BICD1: variants seen among roughly 807,000 people sequenced by gnomAD.
BICD1 encodes the protein protein bicaudal D homolog 1.
A neutral mutation model predicts 92.5 loss-of-function variants in BICD1; 35 were observed. The observed-to-expected ratio is 0.38, with a 90% confidence interval of 0.29 to 0.50. The LOEUF is 0.50. Among genes scored for constraint, BICD1 ranks in the 20% least tolerant of loss-of-function variants. The pLI is 0.93. For synonymous variants in BICD1, 429 were observed against 465.1 expected, an observed-to-expected ratio of 0.92 and a Z score of 1.00; for missense variants, 950 against 1,189.8, an observed-to-expected ratio of 0.80 and a Z score of 2.97.
intron 4 of BICD1, among the ~76,000 whole-genome samples, chr12:32,307,934 C>T (rs1018421931): frequency 1.3e-5 from 2 of 152,108 alleles, no homozygotes; most frequent in African/African-American, 4.8e-5. Context: ...TGGGTTCAGG[C>T]TTTTTGTTTA....
At chr12:32,283,043 T>C (rs1947461870) in intron 2 of BICD1, among the ~76,000 whole-genome samples, 1 of 152,198 alleles carries the variant, frequency 6.6e-6, no homozygotes, top group African/African-American at 2.4e-5. Context: ...AAGCAACTAA[T>C]GAAAATGAAG....
At chr12:32,326,638 A>G (rs1173735721) in intron 4 of BICD1, among the ~76,000 whole-genome samples, 1 of 152,160 alleles carries the variant, frequency 6.6e-6, no homozygotes, top group Non-Finnish European at 1.5e-5. Context: ...TAATCCTAGT[A>G]CTTTGGGAGG....
chr12:32,376,233 G>A (rs1443891408), intron 9 of BICD1, among the ~76,000 whole-genome samples: 3 of 151,798 alleles, frequency 2.0e-5, no homozygotes, highest in Non-Finnish European at 4.4e-5. Context: ...ACAGGCACAC[G>A]CCACCATACC....
chr12:32,373,818 G>A (rs1253936037), intron 9 of BICD1, among the ~76,000 whole-genome samples: 2 of 151,602 alleles, frequency 1.3e-5, no homozygotes, highest in East Asian at 3.9e-4. Flanking sequence ...AGGTGGAGGT[G>A]GCAGTGAGCC....
chr12:32,274,709 A>G (rs1947232600), intron 2 of BICD1, among the ~76,000 whole-genome samples: 3 of 152,218 alleles, frequency 2.0e-5, no homozygotes, highest in Admixed American at 2.0e-4. Context: ...TAGCCACCCC[A>G]TTCCAACAAC....
At chr12:32,374,589 C>T (rs1334584710) in intron 9 of BICD1, among the ~76,000 whole-genome samples, 2 of 122,564 alleles carry the variant, frequency 1.6e-5, no homozygotes, top group Non-Finnish European at 1.7e-5. Context: ...TTTTTTGAGA[C>T]GGAGTTTTGC....
chr12:32,290,173 A>C (rs1947689699), intron 2 of BICD1, among the ~76,000 whole-genome samples: 1 of 124,226 alleles, frequency 8.0e-6, no homozygotes, highest in Non-Finnish European at 1.8e-5. Context: ...ATGAGGTTAC[A>C]TATAGTAGGT....
intron 4 of BICD1, among the ~76,000 whole-genome samples, chr12:32,310,270 C>T (rs186488606): frequency 7.9e-4 from 120 of 152,272 alleles, no homozygotes; most frequent in Non-Finnish European, 1.3e-3. Context: ...TGTAGGTCCA[C>T]GTGTTGGATG....
intron 8 of BICD1, 114 bp from the exon 9 acceptor site, chr12:32,367,556 T>C (rs554205573): frequency 1.1e-6 from 1 of 916,042 alleles, no homozygotes; most frequent in Non-Finnish European, 1.7e-6. Context: ...AGGATATTTC[T>C]GTGTGAATGC....
chr12:32,176,941 A>G (rs550563089), intron 1 of BICD1, among the ~76,000 whole-genome samples: 1 of 151,406 alleles, frequency 6.6e-6, no homozygotes, highest in South Asian at 2.1e-4. Context: ...CAAGAGTGTA[A>G]TTGCTGGGTC....
intron 6 of BICD1, among the ~76,000 whole-genome samples, chr12:32,336,004 G>A (rs1938104850): frequency 1.3e-5 from 2 of 152,086 alleles, no homozygotes; most frequent in African/African-American, 4.8e-5. Flanking sequence ...ATGTAAAAGT[G>A]TTAAAAACAA....
intron 2 of BICD1, among the ~76,000 whole-genome samples, chr12:32,238,226 C>G (rs533623978): frequency 1.3e-5 from 2 of 150,528 alleles, no homozygotes; most frequent in African/African-American, 5.0e-5. Flanking sequence ...ACAGTGAGAC[C>G]CCCATCTCCT....
intron 4 of BICD1, among the ~76,000 whole-genome samples, chr12:32,327,243 G>T (rs1260125326): frequency 6.6e-6 from 1 of 152,160 alleles, no homozygotes; most frequent in East Asian, 1.9e-4. Flanking sequence ...CGAAATTGAT[G>T]GGTAACTACT....
chr12:32,214,617 G>A (rs1465561730), intron 1 of BICD1, among the ~76,000 whole-genome samples: 1 of 152,066 alleles, frequency 6.6e-6, no homozygotes, highest in African/African-American at 2.4e-5. Context: ...TAGTATATAT[G>A]TAAAGAAGTT....
intron 2 of BICD1, among the ~76,000 whole-genome samples, chr12:32,254,008 T>C (rs1389292660): frequency 2.7e-5 from 4 of 146,960 alleles, no homozygotes; most frequent in African/African-American, 1.0e-4. Flanking sequence ...TTCATTGCGG[T>C]ATCCCACCTG....
intron 1 of BICD1, among the ~76,000 whole-genome samples, chr12:32,116,442 G>GTC (rs1451814288): frequency 8.0e-6 from 1 of 124,884 alleles, no homozygotes; most frequent in Admixed American, 8.9e-5. Flanking sequence ...CTCTGTCTCT[G>GTC]TCTGTCTGTC....
intron 8 of BICD1, among the ~76,000 whole-genome samples, chr12:32,361,028 A>G (rs955362359): frequency 6.6e-5 from 10 of 152,248 alleles, no homozygotes; most frequent in African/African-American, 2.4e-4. Context: ...AACAAAGCTC[A>G]ATGGAAATAG....
chr12:32,330,776 A>G (rs963550281), intron 5 of BICD1, among the ~76,000 whole-genome samples: 3 of 152,148 alleles, frequency 2.0e-5, no homozygotes, highest in Non-Finnish European at 4.4e-5. Context: ...AGGACATGCT[A>G]TCCTGGGGCA....
chr12:32,223,785 C>G (rs1481629667), intron 2 of BICD1, among the ~76,000 whole-genome samples: 1 of 152,150 alleles, frequency 6.6e-6, no homozygotes, highest in Non-Finnish European at 1.5e-5. Flanking sequence ...GATTCTTTCA[C>G]TTGGACACTT....
Sources: gnomAD v4.1 joint callset for allele counts (sites outside exome capture counted in the v4.1 genomes callset) on GRCh38, gnomAD v4.1.1 for gene constraint, MANE v1.5 for transcripts, NCBI Gene and HGNC (gene_info 2026-07-23, HGNC 2026-07-21) for gene names.